The following DIAPH3 variants were observed in gnomAD, a reference collection of about 807,000 sequenced individuals.
DIAPH3 encodes diaphanous related formin 3.
In DIAPH3, 117 loss-of-function variants were observed where a neutral mutation model predicts 144.3. That is an observed-to-expected ratio of 0.81 (90% CI 0.70 to 0.95). The LOEUF is 0.95. DIAPH3 is among the 40% of genes least tolerant of loss of function. The pLI is 0.00. For synonymous variants in DIAPH3, 519 were observed against 488.9 expected (o/e 1.06, Z -0.81); for missense variants, 1,421 against 1,412.7 (o/e 1.01, Z -0.09).
At chr13:59,935,170 G>A (rs1438555293) in intron 17 of DIAPH3, among the ~76,000 whole-genome samples, 1 of 152,168 alleles carries the variant, frequency 6.6e-6, no homozygotes, top group African/African-American at 2.4e-5. Context: ...AAGAAGCAAA[G>A]CCTGTGGATA....
At chr13:59,729,960 A>G (rs2035817671) in intron 27 of DIAPH3, among the ~76,000 whole-genome samples, 1 of 151,940 alleles carries the variant, frequency 6.6e-6, no homozygotes, top group Non-Finnish European at 1.5e-5. Context: ...AATACTCTGA[A>G]TAAAAATAAA....
chr13:59,919,988 G>C lies in DIAPH3; in HGVS notation c.2171-3739C>G, dbSNP rs572601633. 7.9e-5 allele frequency among the ~76,000 whole-genome samples: 12 copies of C among 151,912 alleles called. No homozygotes were observed. The South Asian group carries it at 2.3e-3, about 29-fold the overall frequency. On this transcript the variant is annotated intron_variant, in intron 18 of 27. Transcript: ENST00000400324. ...GTTTATCAGTTTCAAATAAATTGTT[G>C]TAACTGTAAAAAATCTTTTAGTTAG...
chr13:60,062,295 C>T (rs73218509), intron 4 of DIAPH3, among the ~76,000 whole-genome samples: 5,939 of 152,230 alleles, frequency 0.039, 170 homozygotes, highest in East Asian at 0.1. Flanking sequence ...ATCCATTCTA[C>T]ATTTGCTGGA....
chr13:60,132,072 A>AATT (rs1271354584), intron 2 of DIAPH3, among the ~76,000 whole-genome samples: 3 of 152,216 alleles, frequency 2.0e-5, no homozygotes, highest in Non-Finnish European at 2.9e-5. Flanking sequence ...ATTATATGTA[A>AATT]ATATGCTTTT....
chr13:60,088,911 C>T (rs1275110614), intron 4 of DIAPH3, among the ~76,000 whole-genome samples: 2 of 152,152 alleles, frequency 1.3e-5, no homozygotes, highest in African/African-American at 4.8e-5. Flanking sequence ...AGTAAGCCAC[C>T]AAGCGCAGCC....
chr13:60,081,737 A>G (rs2800301), intron 4 of DIAPH3, among the ~76,000 whole-genome samples: 3,793 of 152,136 alleles, frequency 0.025, 162 homozygotes, highest in African/African-American at 0.087. Context: ...GGAAGGCAAC[A>G]GAGTAGCTAA....
intron 20 of DIAPH3, among the ~76,000 whole-genome samples, chr13:59,899,001 G>A (rs919245919): frequency 6.6e-6 from 1 of 152,202 alleles, no homozygotes; most frequent in Non-Finnish European, 1.5e-5. Flanking sequence ...ACTGACTTAA[G>A]TCTCCTGGCC....
At chr13:59,775,311 C>T (rs1407236287) in intron 25 of DIAPH3, among the ~76,000 whole-genome samples, 3 of 152,058 alleles carry the variant, frequency 2.0e-5, no homozygotes, top group African/African-American at 4.8e-5. Flanking sequence ...GGTGAGATCT[C>T]TACTCACTGC....
chr13:60,104,711 G>A (rs2058360784), intron 3 of DIAPH3, among the ~76,000 whole-genome samples: 1 of 152,062 alleles, frequency 6.6e-6, no homozygotes, highest in Non-Finnish European at 1.5e-5. Context: ...ATTTATTCTG[G>A]AATGTAACCT....
chr13:60,046,788 A>T (rs1296628746), intron 4 of DIAPH3, among the ~76,000 whole-genome samples: 1 of 152,226 alleles, frequency 6.6e-6, no homozygotes, highest in Admixed American at 6.5e-5. Context: ...AATACTATGC[A>T]GCCATAAAAA....
chr13:59,943,883 C>A (rs978828324), intron 17 of DIAPH3, among the ~76,000 whole-genome samples: 5 of 151,968 alleles, frequency 3.3e-5, no homozygotes, highest in Admixed American at 2.6e-4. Context: ...TTAATAATAA[C>A]AATTACTACT....
At chr13:60,159,956 T>C (rs1001689492) in intron 1 of DIAPH3, among the ~76,000 whole-genome samples, 2 of 152,240 alleles carry the variant, frequency 1.3e-5, no homozygotes, top group Admixed American at 1.3e-4. Flanking sequence ...CCAGGCGCGG[T>C]GGCTCACGCC....
chr13:59,939,612 T>G (rs1400155490), intron 17 of DIAPH3, among the ~76,000 whole-genome samples: 1 of 152,068 alleles, frequency 6.6e-6, no homozygotes, highest in East Asian at 1.9e-4. Flanking sequence ...ACCCAAGCCA[T>G]CCTTATGCTT....
At chr13:60,008,458 C>G (rs1361180429) in intron 9 of DIAPH3, 86 bp downstream of exon 9, 2 of 818,684 alleles carry the variant, frequency 2.4e-6, no homozygotes, top group East Asian at 5.0e-5. Flanking sequence ...AGCTTCATAA[C>G]AATGTTTTCA....
intron 12 of DIAPH3, among the ~76,000 whole-genome samples, chr13:59,987,399 G>C (rs543538992): frequency 6.9e-5 from 10 of 144,788 alleles, no homozygotes; most frequent in Non-Finnish European, 1.5e-4. Context: ...TGGGTGCAGC[G>C]CACCAGCATG....
At chr13:59,964,122 A>G (rs927387658) in intron 17 of DIAPH3, among the ~76,000 whole-genome samples, 2 of 152,138 alleles carry the variant, frequency 1.3e-5, no homozygotes, top group Non-Finnish European at 2.9e-5. Context: ...AAGGTGTGAG[A>G]TAACAACAAT....
At chr13:59,793,163 C>T (rs2039413588) in intron 25 of DIAPH3, among the ~76,000 whole-genome samples, 1 of 152,178 alleles carries the variant, frequency 6.6e-6, no homozygotes, top group Non-Finnish European at 1.5e-5. Flanking sequence ...CCAACATTTC[C>T]TCCTTTCAAT....
At chr13:59,808,601 C>T (rs2040310692) in intron 25 of DIAPH3, among the ~76,000 whole-genome samples, 1 of 151,994 alleles carries the variant, frequency 6.6e-6, no homozygotes, top group Non-Finnish European at 1.5e-5. Flanking sequence ...TATTTATGGA[C>T]AAAAAGATTA....
chr13:59,786,449 T>C (rs1459929017), intron 25 of DIAPH3, among the ~76,000 whole-genome samples: 1 of 152,176 alleles, frequency 6.6e-6, no homozygotes, highest in Non-Finnish European at 1.5e-5. Flanking sequence ...TTGTATCATA[T>C]TGTTATTAAT....
Sources: allele counts gnomAD v4.1 joint callset (sites outside exome capture counted in the v4.1 genomes callset), GRCh38; gene constraint gnomAD v4.1.1; transcripts MANE v1.5; gene names NCBI Gene and HGNC (gene_info 2026-07-23, HGNC 2026-07-21).